PCDHA10: variants seen among roughly 807,000 people sequenced by gnomAD.
The protein encoded by PCDHA10 is protocadherin alpha 10, also known as protocadherin alpha-10.
A neutral mutation model predicts 61.2 loss-of-function variants in PCDHA10; 45 were observed. That is an observed-to-expected ratio of 0.74 (90% CI 0.58 to 0.94). The LOEUF (loss-of-function observed/expected upper bound fraction) is 0.94. Ranked by LOEUF, PCDHA10 falls within the 40% of genes least tolerant of loss-of-function variation. The probability of loss-of-function intolerance (pLI) is 0.00; values close to 1 mark genes in which losing one functional copy is unlikely to be tolerated. For synonymous variants in PCDHA10, 602 were observed against 548.8 expected, an observed-to-expected ratio of 1.10 and a Z score of -1.35; for missense variants, 1,278 against 1,236.2, an observed-to-expected ratio of 1.03 and a Z score of -0.51.
chr5:140,971,284 A>G lies in PCDHA10; in HGVS notation c.2389-7665A>G, dbSNP rs573117700. 1.7e-3 allele frequency among the ~76,000 whole-genome samples: 257 copies of G among 152,334 alleles called. 1 individual carries two copies. The highest frequency in any genetic ancestry group is 3.4e-3 in the Non-Finnish European group (234 of 68,028). ...CTGTCTTACACTGACCTGTATATTAATATGTACTTTGGTACACAAACATTT... is the reference window on the plus strand; with the variant it reads ...CTGTCTTACACTGACCTGTATATTAGTATGTACTTTGGTACACAAACATTT... On this transcript the variant is annotated intron_variant, in intron 1 of 3. Transcript: ENST00000307360.
chr5:140,978,898 G>A (rs2096827765), intron 1 of PCDHA10, 51 bp from the exon 2 acceptor site: 1 of 1,612,868 alleles, frequency 6.2e-7, no homozygotes. Flanking sequence ...GCATTCCTGG[G>A]AGAACATTGT....
At chr5:140,892,666 A>G (rs2063614919) in intron 1 of PCDHA10, among the ~76,000 whole-genome samples, 1 of 152,170 alleles carries the variant, frequency 6.6e-6, no homozygotes, top group Admixed American at 6.6e-5. Flanking sequence ...TGACATTTTG[A>G]TACATATATA....
rs1554174004 is a variant in PCDHA10, at chr5:140,882,408, G to C, written c.2388+23972G>C. On this transcript the variant is annotated intron_variant, in intron 1 of 3. Coordinates refer to ENST00000307360, the MANE Select transcript of PCDHA10 (RefSeq NM_018901.4). Reference sequence around the variant, plus strand: ...GCAAAACACGGCACCTTCGTGGGCCGCATCGCTCAGGACCTGGGGCTGGAG... The same window carrying C: ...GCAAAACACGGCACCTTCGTGGGCCCCATCGCTCAGGACCTGGGGCTGGAG... The C allele has an allele frequency of 3.1e-6, 5 of 1,614,138 alleles. No homozygotes were observed. The highest frequency in any genetic ancestry group is 3.3e-5 in the Admixed American group (2 of 60,036).
At chr5:140,897,050 G>C (rs1269082503) in intron 1 of PCDHA10, among the ~76,000 whole-genome samples, 1 of 152,014 alleles carries the variant, frequency 6.6e-6, no homozygotes, top group African/African-American at 2.4e-5. Flanking sequence ...CTATTCTGCT[G>C]TCAAATACTA....
intron 1 of PCDHA10, chr5:140,884,234 G>T (rs375170723): frequency 3.7e-6 from 6 of 1,613,500 alleles, no homozygotes; most frequent in Non-Finnish European, 4.2e-6. Context: ...GGACCACGGT[G>T]AGCCCGCGCT....
intron 1 of PCDHA10, among the ~76,000 whole-genome samples, chr5:140,902,415 G>T (rs887303649): frequency 1.3e-5 from 2 of 152,060 alleles, no homozygotes; most frequent in South Asian, 4.1e-4. Context: ...TTGAATAACA[G>T]TGGTGAAAGT....
Position 140,912,662 on chromosome 5 carries a change from T to C in PCDHA10, c.2388+54226T>C, listed in dbSNP as rs145118694. 1.9e-3 allele frequency among the ~76,000 whole-genome samples: 286 copies of C among 152,264 alleles called. 1 individual carries two copies. The highest frequency in any genetic ancestry group is 6.7e-3 in the African/African-American group (280 of 41,548). Reference sequence around the variant, plus strand: ...CTATGTTGAATAGAAGTGGTGAAAATGGGCATCCTTGACTTATTCCAGGTC... The same window carrying C: ...CTATGTTGAATAGAAGTGGTGAAAACGGGCATCCTTGACTTATTCCAGGTC... On this transcript the variant is annotated intron_variant, in intron 1 of 3. Coordinates refer to ENST00000307360, the MANE Select transcript of PCDHA10 (RefSeq NM_018901.4).
chr5:140,906,192 C>G (rs2072444836), intron 1 of PCDHA10, among the ~76,000 whole-genome samples: 1 of 152,182 alleles, frequency 6.6e-6, no homozygotes, highest in Non-Finnish European at 1.5e-5. Context: ...TCAATCCAAT[C>G]AAGTTGACAC....
Position 140,856,070 on chromosome 5 carries a change from C to T in PCDHA10, c.22C>T (p.Leu8=). 3.1e-6 allele frequency: 5 copies of T among 1,591,758 alleles called. 1 individual carries two copies. Among genetic ancestry groups the T allele is most frequent in the Non-Finnish European group, 4.3e-6 (5 of 1,163,604 alleles). Residue 8 remains leucine (L), a synonymous_variant, in exon 1 of 4, where the codon CTG becomes TTG. Coordinates refer to ENST00000307360, the MANE Select transcript of PCDHA10 (RefSeq NM_018901.4). ...TAAGATGGTTTCCAGATGTAGCTGC[C>T]TGGGGGTCCAGTGTCTGCTGCTCTC... MVSRCSC[L]GVQCLLLSLL... is the part of the protein sequence containing the mutation.
At chr5:140,937,329 G>T (rs1406340473) in intron 1 of PCDHA10, among the ~76,000 whole-genome samples, 1 of 152,050 alleles carries the variant, frequency 6.6e-6, no homozygotes, top group Admixed American at 6.5e-5. Flanking sequence ...GAGCCACCGC[G>T]CCCGGCTTCT....
rs782392001 is a variant in PCDHA10, at chr5:140,857,340, C to A, written c.1292C>A (p.Ser431Ter). 15 of 1,598,236 alleles carry A rather than the reference C, an allele frequency of 9.4e-6. No homozygotes were observed. Among genetic ancestry groups the A allele is most frequent in the Non-Finnish European group, 1.2e-5 (14 of 1,167,864 alleles). Residue 431 changes from serine (S) to a stop codon, truncating the protein, a stop_gained, in exon 1 of 4, where the codon TCG (serine) becomes TAG (stop). Transcript: ENST00000307360. LOFTEE classifies it high-confidence loss of function. ...ELVVTARDGG[S>*]PPLWATASVS... ...GTGGTGACCGCGCGGGACGGGGGCTCGCCTCCGCTGTGGGCCACGGCCAGC... is the reference window on the plus strand; with the variant it reads ...GTGGTGACCGCGCGGGACGGGGGCTAGCCTCCGCTGTGGGCCACGGCCAGC...
At chr5:140,972,471 G>A (rs1437633114) in intron 1 of PCDHA10, among the ~76,000 whole-genome samples, 6 of 151,998 alleles carry the variant, frequency 3.9e-5, no homozygotes, top group Non-Finnish European at 8.8e-5. Context: ...TTAAACATCA[G>A]CATTTAACCC....
At chr5:140,994,081 G>A (rs147535219) in intron 3 of PCDHA10, among the ~76,000 whole-genome samples, 2 of 152,260 alleles carry the variant, frequency 1.3e-5, no homozygotes, top group Admixed American at 6.5e-5. Flanking sequence ...AGGGAGAAAT[G>A]TAAAGAAATA....
At chr5:140,979,067 A>C (rs1938790025) in intron 2 of PCDHA10, 60 bp downstream of exon 2, 1 of 1,601,882 alleles carries the variant, frequency 6.2e-7, no homozygotes, top group Non-Finnish European at 8.5e-7. Flanking sequence ...GCTCAGATAA[A>C]CTGCATCTCC....
chr5:140,938,734 AT>A (rs1207782725), intron 1 of PCDHA10, among the ~76,000 whole-genome samples: 1 of 152,136 alleles, frequency 6.6e-6, no homozygotes, highest in Admixed American at 6.5e-5. Flanking sequence ...ACAGAAAAAA[AT>A]AATTATTTTT....
chr5:140,952,608 C>T (rs2153696668), intron 1 of PCDHA10, among the ~76,000 whole-genome samples: 1 of 152,282 alleles, frequency 6.6e-6, no homozygotes, highest in Non-Finnish European at 1.5e-5. Flanking sequence ...TCTAAGCTCT[C>T]CCTCATCTTC....
At chr5:140,966,233 C>T (rs1554228161) in intron 1 of PCDHA10, 1 of 287,374 alleles carries the variant, frequency 3.5e-6, no homozygotes, top group Non-Finnish European at 6.4e-6. Flanking sequence ...CCTTAAAGAC[C>T]CGTTAAGCAG....
At chr5:140,909,269 A>G (rs1554193726) in intron 1 of PCDHA10, among the ~76,000 whole-genome samples, 1 of 152,240 alleles carries the variant, frequency 6.6e-6, no homozygotes, top group Admixed American at 6.5e-5. Context: ...CTGAAGGCAA[A>G]TTGCTTCTGG....
intron 1 of PCDHA10, among the ~76,000 whole-genome samples, chr5:140,911,001 C>T (rs543025308): frequency 1.3e-5 from 2 of 152,220 alleles, no homozygotes; most frequent in African/African-American, 4.8e-5. Context: ...CCCCTAGGGC[C>T]CTCCTGGGAC....
Sources: gnomAD v4.1 joint callset for allele counts (sites outside exome capture counted in the v4.1 genomes callset) on GRCh38, gnomAD v4.1.1 for gene constraint, MANE v1.5 for transcripts, NCBI Gene and HGNC (gene_info 2026-07-23, HGNC 2026-07-21) for gene names.